RSPO3: variants seen among roughly 807,000 people sequenced by gnomAD.
The protein encoded by RSPO3 is R-spondin-3.
Under a neutral mutation model 36.5 loss-of-function variants are expected in RSPO3, and 17 were observed. That is an observed-to-expected ratio of 0.47 (90% CI 0.32 to 0.70). The LOEUF (loss-of-function observed/expected upper bound fraction) is 0.70. Among genes scored for constraint, RSPO3 ranks in the 30% least tolerant of loss-of-function variants. RSPO3 has a pLI of 0.04. For missense variants in RSPO3, 294 were observed against 322.5 expected (o/e 0.91, Z 0.68); for synonymous variants, 108 against 107.0 (o/e 1.01, Z -0.06).
Position 127,155,231 on chromosome 6 carries a change from T to A in RSPO3, c.437-10T>A. 6.2e-7 allele frequency: 1 copy of A among 1,613,498 alleles called. No homozygotes were observed. Among genetic ancestry groups the A allele is most frequent in the Non-Finnish European group, 8.5e-7 (1 of 1,179,550 alleles). On this transcript the variant is annotated splice_polypyrimidine_tract_variant and intron_variant, in intron 3 of 4. Coordinates refer to ENST00000356698, the MANE Select transcript of RSPO3 (RefSeq NM_032784.5). ...AGCCAGCTGAGTCTGTTTCTTCTGT[T>A]CTGTTTCAGTGCACTGTGAGGTCAG...
intron 1 of RSPO3, among the ~76,000 whole-genome samples, chr6:127,132,582 C>A (rs1041725891): frequency 6.6e-6 from 1 of 151,912 alleles, no homozygotes; most frequent in Admixed American, 6.6e-5. Context: ...CAAATTCTCA[C>A]CAAAATGAAG....
chr6:127,143,297 C>T (rs1005219712), intron 1 of RSPO3, among the ~76,000 whole-genome samples: 6 of 151,902 alleles, frequency 3.9e-5, no homozygotes, highest in Admixed American at 1.3e-4. Flanking sequence ...CCTCAGGAAG[C>T]GTACAGTCAA....
intron 3 of RSPO3, among the ~76,000 whole-genome samples, chr6:127,150,940 G>A (rs1454508325): frequency 6.6e-6 from 1 of 151,566 alleles, no homozygotes; most frequent in Non-Finnish European, 1.5e-5. Flanking sequence ...ACAGTGATCT[G>A]TTATGTGACA....
At chr6:127,159,717 C>T (rs761207423) in intron 4 of RSPO3, among the ~76,000 whole-genome samples, 12 of 144,908 alleles carry the variant, frequency 8.3e-5, no homozygotes, top group Non-Finnish European at 1.3e-4. Flanking sequence ...GGCGCGATCT[C>T]GGCTCACTGC....
intron 4 of RSPO3, among the ~76,000 whole-genome samples, chr6:127,192,987 T>C (rs1355132036): frequency 1.3e-5 from 2 of 152,198 alleles, no homozygotes; most frequent in Admixed American, 6.5e-5. Context: ...TGTATTTCTA[T>C]TTTATTTCTT....
rs180829456 is a variant in RSPO3 at position 127,187,442 on chromosome 6, C to T, written c.635-8381C>T. 2.8e-4 allele frequency among the ~76,000 whole-genome samples: 42 copies of T among 152,082 alleles called. 1 individual carries two copies. Among genetic ancestry groups the T allele is most frequent in the Non-Finnish European group, 1.9e-4 (13 of 68,014 alleles). The stretch of plus-strand genomic sequence containing the variant: ...TCCAACAAGCTAGTCATGAATTTCA[C>T]GGCAAAAGTAATGAATAATATTTGA... On this transcript the variant is annotated intron_variant, in intron 4 of 4. Coordinates refer to ENST00000356698, the MANE Select transcript of RSPO3 (RefSeq NM_032784.5).
chr6:127,124,557 G>C (rs927691145), intron 1 of RSPO3, among the ~76,000 whole-genome samples: 6 of 121,264 alleles, frequency 4.9e-5, no homozygotes, highest in African/African-American at 1.6e-4. Flanking sequence ...ATCATAAATT[G>C]CACAGTTTTT....
At chr6:127,173,366 TGTCA>T (rs1416260688) in intron 4 of RSPO3, among the ~76,000 whole-genome samples, 14 of 151,956 alleles carry the variant, frequency 9.2e-5, no homozygotes, top group African/African-American at 3.1e-4. Context: ...ACAAAGGCGC[TGTCA>T]GTCAGTAGAG....
At chr6:127,184,323 T>C (rs939309423) in intron 4 of RSPO3, among the ~76,000 whole-genome samples, 2 of 152,042 alleles carry the variant, frequency 1.3e-5, no homozygotes, top group African/African-American at 4.8e-5. Context: ...TTGTTCTTCC[T>C]AATATTATGA....
At chr6:127,144,336 T>C (rs1257184675) in intron 1 of RSPO3, among the ~76,000 whole-genome samples, 1 of 152,152 alleles carries the variant, frequency 6.6e-6, no homozygotes, top group Non-Finnish European at 1.5e-5. Context: ...AAAGATATAG[T>C]TACCAGATAT....
At chr6:127,154,620 TA>T (rs1774557363) in intron 3 of RSPO3, among the ~76,000 whole-genome samples, 1 of 152,162 alleles carries the variant, frequency 6.6e-6, no homozygotes. Flanking sequence ...GCAAAGGCAG[TA>T]AATAGTAGGC....
intron 4 of RSPO3, among the ~76,000 whole-genome samples, chr6:127,193,000 A>G (rs973754324): frequency 6.6e-6 from 1 of 152,184 alleles, no homozygotes; most frequent in Admixed American, 6.6e-5. Context: ...TATTTCTTAC[A>G]CAAGCAGAAA....
intron 1 of RSPO3, among the ~76,000 whole-genome samples, chr6:127,139,411 A>C (rs1483624486): frequency 6.6e-6 from 1 of 152,196 alleles, no homozygotes; most frequent in Non-Finnish European, 1.5e-5. Context: ...TTTTTAGCAC[A>C]AACTGAAGTT....
intron 1 of RSPO3, among the ~76,000 whole-genome samples, chr6:127,124,651 AT>A (rs1159566807): frequency 6.6e-6 from 1 of 152,018 alleles, no homozygotes; most frequent in East Asian, 1.9e-4. Context: ...ACATGATTGA[AT>A]ATCTTAAAAT....
intron 1 of RSPO3, among the ~76,000 whole-genome samples, chr6:127,121,678 G>T (rs1773849229): frequency 2.6e-5 from 4 of 152,256 alleles, no homozygotes; most frequent in Admixed American, 2.6e-4. Flanking sequence ...TAAATGCCCA[G>T]AAACTCAAGG....
Position 127,150,548 on chromosome 6 carries a change from C to A in RSPO3, c.412C>A (p.His138Asn), listed in dbSNP as rs769363068. 1 of 1,611,238 alleles carries A rather than the reference C, an allele frequency of 6.2e-7. No homozygotes were observed. The highest frequency in any genetic ancestry group is 1.1e-5 in the South Asian group (1 of 90,756). Reference sequence around the variant, plus strand: ...CCCAGAAGGGTTGGAAGCCAACAACCATACTATGGAGTGTGTCAGTATTGG... The same window carrying A: ...CCCAGAAGGGTTGGAAGCCAACAACAATACTATGGAGTGTGTCAGTATTGG... The part of the protein sequence containing the change: ...NCPEGLEANN[H>N]TMECVSIVHC... The change falls in exon 3 of 5, where the codon CAT (histidine) becomes AAT (asparagine). Residue 138 changes from histidine to asparagine, a missense_variant. Coordinates refer to ENST00000356698, the MANE Select transcript of RSPO3 (RefSeq NM_032784.5).
intron 1 of RSPO3, among the ~76,000 whole-genome samples, chr6:127,142,440 C>T (rs771053929): frequency 1.3e-5 from 2 of 152,080 alleles, no homozygotes; most frequent in Non-Finnish European, 2.9e-5. Context: ...CCAGAGGAAT[C>T]GGGAAACATC....
rs1134070 is a variant in RSPO3 at position 127,199,384 on chromosome 6, T to C, written c.*3377T>C. Among the ~76,000 whole-genome samples, 7,077 of 152,222 alleles carry C rather than the reference T, an allele frequency of 0.046. 509 individuals carry two copies. The highest frequency in any genetic ancestry group is 0.16 in the African/African-American group (6,604 of 41,494). On this transcript the variant is annotated 3_prime_UTR_variant, in exon 5 of 5. Transcript: ENST00000356698. ...CTTGATTCATGATATGTGATAGTAT[T>C]CATAAAAATGTACATGCATGATAAT...
At chr6:127,170,045 G>C (rs1465737575) in intron 4 of RSPO3, among the ~76,000 whole-genome samples, 2 of 151,642 alleles carry the variant, frequency 1.3e-5, no homozygotes, top group East Asian at 3.9e-4. Flanking sequence ...TAGACTAAGA[G>C]AGTTATCCTC....
Sources: gnomAD v4.1 joint callset for allele counts (sites outside exome capture counted in the v4.1 genomes callset) on GRCh38, gnomAD v4.1.1 for gene constraint, MANE v1.5 for transcripts, NCBI Gene and HGNC (gene_info 2026-07-23, HGNC 2026-07-21) for gene names.